Variants in FRAS1 observed in about 807,000 individuals in gnomAD.
The protein encoded by FRAS1 is Fraser extracellular matrix complex subunit 1, also known as extracellular matrix organizing protein FRAS1.
A neutral mutation model predicts 435.2 loss-of-function variants in FRAS1; 290 were observed. The ratio of observed to expected loss-of-function variants is 0.67; its 90% CI spans 0.61 to 0.73. The LOEUF is 0.73. Among genes scored for constraint, FRAS1 ranks in the 30% least tolerant of loss-of-function variants. The pLI is 0.00. For missense variants in FRAS1, 4,860 were observed against 5,001.5 expected, an observed-to-expected ratio of 0.97 and a Z score of 0.85; for synonymous variants, 1,800 against 1,851.0, an observed-to-expected ratio of 0.97 and a Z score of 0.71.
intron 67 of FRAS1, among the ~76,000 whole-genome samples, chr4:78,519,733 A>G (rs977539563): frequency 5.3e-5 from 8 of 152,192 alleles, no homozygotes; most frequent in African/African-American, 1.9e-4. Flanking sequence ...TGAGTCCTCT[A>G]CTGCCCGTTA....
intron 27 of FRAS1, among the ~76,000 whole-genome samples, chr4:78,382,369 A>G (rs1732054264): frequency 6.6e-6 from 1 of 151,844 alleles, no homozygotes; most frequent in Non-Finnish European, 1.5e-5. Context: ...GTATTTTATT[A>G]ATTGATGGAA....
chr4:78,178,928 C>T (rs1721890489), intron 2 of FRAS1, among the ~76,000 whole-genome samples: 1 of 152,150 alleles, frequency 6.6e-6, no homozygotes, highest in African/African-American at 2.4e-5. Flanking sequence ...GTAGTTCCCA[C>T]CCCCTAACTA....
chr4:78,095,002 G>A (rs959887994), intron 2 of FRAS1, among the ~76,000 whole-genome samples: 3 of 152,158 alleles, frequency 2.0e-5, no homozygotes, highest in African/African-American at 7.2e-5. Context: ...TGTTCTGCAG[G>A]AGAAACCTGA....
At chr4:78,287,909 A>C (rs1727687465) in intron 14 of FRAS1, among the ~76,000 whole-genome samples, 1 of 152,334 alleles carries the variant, frequency 6.6e-6, no homozygotes, top group South Asian at 2.1e-4. Flanking sequence ...TATGGAAGGC[A>C]GAATAGCTTC....
At chr4:78,452,141 T>A in intron 46 of FRAS1, 34 bp from the exon 47 acceptor site, 1 of 1,598,220 alleles carries the variant, frequency 6.3e-7, no homozygotes, top group Non-Finnish European at 8.6e-7. Context: ...GCTGAGAAGA[T>A]CCCATTTCAA....
chr4:78,416,026 C>T (rs978818937), intron 32 of FRAS1, among the ~76,000 whole-genome samples: 1 of 152,110 alleles, frequency 6.6e-6, no homozygotes, highest in East Asian at 1.9e-4. Flanking sequence ...TGGAAGCAAT[C>T]TAAATGTCTA....
chr4:78,336,125 AG>A (rs1431747815), intron 19 of FRAS1, among the ~76,000 whole-genome samples: 1 of 152,132 alleles, frequency 6.6e-6, no homozygotes, highest in Non-Finnish European at 1.5e-5. Context: ...ACTTCAAAGA[AG>A]TGATTTAGAA....
intron 40 of FRAS1, among the ~76,000 whole-genome samples, chr4:78,439,776 C>A (rs75006617): frequency 6.6e-6 from 1 of 152,090 alleles, no homozygotes; most frequent in Non-Finnish European, 1.5e-5. Context: ...GACTATGGAC[C>A]TGTAGTCCCA....
In FRAS1 at chr4:78,208,715, T is replaced by C. The variant is rs557092382; in HGVS notation, c.109-28795T>C. ...GGTTTTCAAAACTTCATTGTTTATTTACTTATATTAAACTTTTTCTACATT... is the reference window on the plus strand; with the variant it reads ...GGTTTTCAAAACTTCATTGTTTATTCACTTATATTAAACTTTTTCTACATT... On this transcript the variant is annotated intron_variant, in intron 2 of 73. Transcript: ENST00000512123. Among the ~76,000 whole-genome samples the C allele has an allele frequency of 1.6e-4, 24 of 152,330 alleles. No individual in the cohort carries two copies. The East Asian group carries it at 4.6e-3, about 29-fold the overall frequency.
intron 2 of FRAS1, among the ~76,000 whole-genome samples, chr4:78,169,938 C>A (rs1006229064): frequency 2.6e-5 from 4 of 151,948 alleles, no homozygotes; most frequent in African/African-American, 9.7e-5. Flanking sequence ...TTACTTGTTC[C>A]CTAAAATGGG....
chr4:78,170,302 T>C (rs7675794), intron 2 of FRAS1, among the ~76,000 whole-genome samples: 38,305 of 152,006 alleles, frequency 0.25, 5,286 homozygotes, highest in African/African-American at 0.32. Context: ...TACAAAGAGT[T>C]TGACATATAG....
intron 2 of FRAS1, among the ~76,000 whole-genome samples, chr4:78,068,118 A>C (rs1740145582): frequency 6.6e-6 from 1 of 152,210 alleles, no homozygotes; most frequent in Admixed American, 6.5e-5. Context: ...GAGACCTGCT[A>C]TTCTATGCAC....
At chr4:78,392,746 T>A (rs1732497982) in intron 29 of FRAS1, among the ~76,000 whole-genome samples, 1 of 150,022 alleles carries the variant, frequency 6.7e-6, no homozygotes, top group South Asian at 2.1e-4. Context: ...ATTCAGTTGG[T>A]AATATAACTA....
Position 78,057,834 on chromosome 4 carries a change from C to T in FRAS1, c.-176C>T, listed in dbSNP as rs1739541297. On this transcript the variant is annotated 5_prime_UTR_variant, in exon 1 of 74. Coordinates refer to ENST00000512123, the MANE Select transcript of FRAS1 (RefSeq NM_025074.7). The surrounding 1 kb of genome is among the most constrained non-coding windows in gnomAD (Gnocchi z 4.2). ...AATTGAACCCCAGCCCGCTCCGGCGCCTCCGGGCTGATGAGTGTCGCTCTC... is the reference window on the plus strand; with the variant it reads ...AATTGAACCCCAGCCCGCTCCGGCGTCTCCGGGCTGATGAGTGTCGCTCTC... 6.7e-6 allele frequency: 4 copies of T among 600,716 alleles called. No homozygotes were observed. Among genetic ancestry groups the T allele is most frequent in the Non-Finnish European group, 1.2e-5 (4 of 340,776 alleles). The allele number at this position is 600,716 out of a possible 1,614,324, so 37.2% of individuals were successfully genotyped here.
intron 2 of FRAS1, among the ~76,000 whole-genome samples, chr4:78,076,207 T>C (rs1740632939): frequency 6.6e-6 from 1 of 152,122 alleles, no homozygotes; most frequent in African/African-American, 2.4e-5. Context: ...AGAGATCAAT[T>C]TGCAGACATA....
At chr4:78,221,938 T>C (rs570915254) in intron 2 of FRAS1, among the ~76,000 whole-genome samples, 17 of 152,288 alleles carry the variant, frequency 1.1e-4, no homozygotes, top group East Asian at 5.8e-4. Context: ...ATGGAATCAT[T>C]CCTCAACCGT....
intron 31 of FRAS1, 38 bp from the exon 32 acceptor site, chr4:78,412,931 A>C: frequency 7.5e-7 from 1 of 1,338,356 alleles, no homozygotes; most frequent in Non-Finnish European, 1.0e-6. Context: ...TCTGCTCAAT[A>C]GAAGATGAGA....
chr4:78,489,521 G>C (rs751573803), intron 59 of FRAS1, among the ~76,000 whole-genome samples: 1 of 152,126 alleles, frequency 6.6e-6, no homozygotes, highest in Admixed American at 6.5e-5. Context: ...GGAGTAGAGA[G>C]ACAGAAAAAA....
intron 50 of FRAS1, among the ~76,000 whole-genome samples, chr4:78,467,400 A>G (rs1217057654): frequency 1.3e-5 from 2 of 152,148 alleles, no homozygotes; most frequent in African/African-American, 4.8e-5. Context: ...AAATGACTGA[A>G]TCTCATTCTT....
Sources: allele counts gnomAD v4.1 joint callset (sites outside exome capture counted in the v4.1 genomes callset), GRCh38; gene constraint gnomAD v4.1.1; non-coding constraint Gnocchi (gnomAD v3.1); transcripts MANE v1.5; gene names NCBI Gene and HGNC (gene_info 2026-07-23, HGNC 2026-07-21).